NUP155: variants seen among roughly 807,000 people sequenced by gnomAD.
The protein encoded by NUP155 is nucleoporin 155.
NUP155 carries 71 observed loss-of-function variants against 180.4 expected under a neutral mutation model. The ratio of observed to expected loss-of-function variants is 0.39; its 90% CI spans 0.33 to 0.48. NUP155 has a LOEUF of 0.48. Among genes scored for constraint, NUP155 ranks in the 20% least tolerant of loss-of-function variants. The pLI, the probability that NUP155 is intolerant of heterozygous loss-of-function variation, is 0.91. For synonymous variants in NUP155, 582 were observed against 559.5 expected, an observed-to-expected ratio of 1.04 and a Z score of -0.57; for missense variants, 1,553 against 1,648.9, an observed-to-expected ratio of 0.94 and a Z score of 1.01.
In NUP155 at chr5:37,294,264, C is replaced by T. The variant is rs1331550359; in HGVS notation, c.3930+65G>A. 6 of 1,147,932 alleles carry T rather than the reference C, an allele frequency of 5.2e-6. No homozygotes were observed. The South Asian group carries it at 8.3e-5, about 16-fold the overall frequency. The allele number at this position is 1,147,932 out of a possible 1,614,324, so 71.1% of individuals were successfully genotyped here. On this transcript the variant is annotated intron_variant, in intron 33 of 34. Coordinates refer to ENST00000231498, the MANE Select transcript of NUP155 (RefSeq NM_153485.3). ...ACAAAAATGCAATCAAAATACCCCA[C>T]TCTATATCTACAAAGTTACTTTAAT...
At position 37,288,402 on chromosome 5, in the gene NUP155, T is replaced by G. The variant is rs1429794887; in HGVS notation, c.*3498A>C. 1 of 152,098 alleles carries G rather than the reference T, an allele frequency of 6.6e-6. No individual in the cohort carries two copies. The highest frequency in any genetic ancestry group is 1.5e-5 in the Non-Finnish European group (1 of 68,030). The allele number at this position is 152,098 out of a possible 1,614,324, so 9.4% of individuals were successfully genotyped here. On this transcript the variant is annotated 3_prime_UTR_variant, in exon 35 of 35. Coordinates refer to ENST00000231498, the MANE Select transcript of NUP155 (RefSeq NM_153485.3). ...CAGGTATACCTAAAGAAACACTAAA[T>G]GTACATGTACATCAGTCAGTATCTC...
chr5:37,334,043 C>A (rs899750846), intron 12 of NUP155, among the ~76,000 whole-genome samples: 13 of 150,920 alleles, frequency 8.6e-5, no homozygotes, highest in Non-Finnish European at 8.9e-5. Context: ...TCAGGTGATC[C>A]GCCCACCTCG....
intron 16 of NUP155, 128 bp from the exon 17 acceptor site, chr5:37,328,548 G>T (rs1308128226): frequency 8.8e-6 from 6 of 684,312 alleles, no homozygotes; most frequent in Non-Finnish European, 1.6e-5. Context: ...CTGTGGCCCA[G>T]GCTGGAGTGC....
intron 32 of NUP155, among the ~76,000 whole-genome samples, chr5:37,295,238 G>A (rs1035216088): frequency 7.2e-5 from 11 of 152,116 alleles, no homozygotes; most frequent in Non-Finnish European, 1.2e-4. Context: ...GGGTGGAGAC[G>A]GGGTTTTGCT....
At chr5:37,346,150 C>A (rs1365704222) in intron 9 of NUP155, among the ~76,000 whole-genome samples, 1 of 151,910 alleles carries the variant, frequency 6.6e-6, no homozygotes, top group African/African-American at 2.4e-5. Flanking sequence ...TGGTGGCACA[C>A]ATCTATAGTC....
chr5:37,299,388 G>T, intron 31 of NUP155, 60 bp downstream of exon 31: 1 of 1,593,112 alleles, frequency 6.3e-7, no homozygotes. Context: ...CTAGCAGCTT[G>T]CATTCCTCCA....
intron 19 of NUP155, among the ~76,000 whole-genome samples, chr5:37,325,321 AG>A (rs762464127): frequency 1.3e-5 from 2 of 152,166 alleles, no homozygotes; most frequent in African/African-American, 2.4e-5. Context: ...CAACCTTATG[AG>A]GGAGATATAC....
intron 11 of NUP155, among the ~76,000 whole-genome samples, chr5:37,340,253 C>A (rs1745623099): frequency 6.6e-6 from 1 of 151,902 alleles, no homozygotes; most frequent in Non-Finnish European, 1.5e-5. Flanking sequence ...CGAGCCTAGG[C>A]AACATGGCAA....
intron 22 of NUP155, among the ~76,000 whole-genome samples, chr5:37,313,473 ATGTG>A (rs34904169): frequency 0.38 from 54,378 of 143,296 alleles, 10,218 homozygotes; most frequent in Middle Eastern, 0.49. Flanking sequence ...AGTGGTGTAT[ATGTG>A]TGTGTGTGTG....
rs756221730 is a variant in NUP155 at position 37,323,985 on chromosome 5, T to C, written c.2207+7A>G. On this transcript the variant is annotated splice_region_variant and intron_variant, in intron 20 of 34. Transcript: ENST00000231498. Reference sequence around the variant, plus strand: ...AAGATGAATTAATAAACCCTATTTATTCTTACTTTGGATTTCCTAATGGTC... The same window carrying C: ...AAGATGAATTAATAAACCCTATTTACTCTTACTTTGGATTTCCTAATGGTC... 1 of 1,546,054 alleles carries C rather than the reference T, an allele frequency of 6.5e-7. No homozygotes were observed. The highest frequency in any genetic ancestry group is 8.9e-7 in the Non-Finnish European group (1 of 1,118,148).
chr5:37,360,513 C>T (rs7717853), intron 3 of NUP155, among the ~76,000 whole-genome samples: 3,841 of 150,646 alleles, frequency 0.025, 151 homozygotes, highest in African/African-American at 0.089. Context: ...AGGCCAAGTG[C>T]GGTGGCTTAC....
chr5:37,319,402 T>C (rs757897127), intron 20 of NUP155, among the ~76,000 whole-genome samples: 2 of 152,308 alleles, frequency 1.3e-5, no homozygotes, highest in Non-Finnish European at 2.9e-5. Flanking sequence ...ACTAATGTTA[T>C]AGGAATCCAA....
chr5:37,338,416 T>C (rs1358414295), intron 11 of NUP155, among the ~76,000 whole-genome samples: 1 of 150,966 alleles, frequency 6.6e-6, no homozygotes, highest in Non-Finnish European at 1.5e-5. Flanking sequence ...CAATCTTTTT[T>C]TTTTTTTTTT....
At chr5:37,321,485 G>A (rs1744239874) in intron 20 of NUP155, among the ~76,000 whole-genome samples, 1 of 152,236 alleles carries the variant, frequency 6.6e-6, no homozygotes, top group South Asian at 2.1e-4. Context: ...TTGGGAGGCT[G>A]AGGCGGGCGG....
At chr5:37,322,146 G>T (rs902838086) in intron 20 of NUP155, among the ~76,000 whole-genome samples, 1 of 151,930 alleles carries the variant, frequency 6.6e-6, no homozygotes, top group East Asian at 1.9e-4. Context: ...CAGCCATCAC[G>T]CCCGGCCTAT....
At chr5:37,322,829 T>G (rs534003397) in intron 20 of NUP155, among the ~76,000 whole-genome samples, 1 of 151,240 alleles carries the variant, frequency 6.6e-6, no homozygotes, top group South Asian at 2.1e-4. Flanking sequence ...AAAAATTAGC[T>G]GGGCATGGTG....
intron 20 of NUP155, among the ~76,000 whole-genome samples, chr5:37,321,747 T>C (rs1035860084): frequency 3.3e-5 from 5 of 152,182 alleles, no homozygotes; most frequent in Non-Finnish European, 7.3e-5. Context: ...TATATATATG[T>C]ATACACACAC....
intron 11 of NUP155, among the ~76,000 whole-genome samples, chr5:37,340,672 A>T (rs1156681869): frequency 1.3e-5 from 2 of 152,214 alleles, no homozygotes; most frequent in African/African-American, 4.8e-5. Flanking sequence ...TGGTGCTCAG[A>T]CAGCTAGATA....
chr5:37,309,051 C>T, intron 24 of NUP155, 78 bp downstream of exon 24: 1 of 1,488,248 alleles, frequency 6.7e-7, no homozygotes, highest in Non-Finnish European at 9.3e-7. Flanking sequence ...GGCTTTTCAT[C>T]ATTAGCTTGC....
Sources: gnomAD v4.1 joint callset for allele counts (sites outside exome capture counted in the v4.1 genomes callset) on GRCh38, gnomAD v4.1.1 for gene constraint, MANE v1.5 for transcripts, NCBI Gene and HGNC (gene_info 2026-07-23, HGNC 2026-07-21) for gene names.